PICALM: variants seen among roughly 807,000 people sequenced by gnomAD.
PICALM encodes phosphatidylinositol-binding clathrin assembly protein.
In PICALM, 40 loss-of-function variants were observed where a neutral mutation model predicts 80.5. That is an observed-to-expected ratio of 0.50 (90% CI 0.39 to 0.65). PICALM has a LOEUF of 0.65. Among genes scored for constraint, PICALM ranks in the 30% least tolerant of loss-of-function variants. The pLI, the probability that PICALM is intolerant of heterozygous loss-of-function variation, is 0.00. For synonymous variants in PICALM, 288 were observed against 260.3 expected (o/e 1.11, Z -1.02); for missense variants, 676 against 778.9 (o/e 0.87, Z 1.57).
chr11:86,017,791 C>T (rs1216460177), intron 4 of PICALM, among the ~76,000 whole-genome samples: 2 of 152,014 alleles, frequency 1.3e-5, no homozygotes, highest in Non-Finnish European at 2.9e-5. Context: ...CTGATAGATA[C>T]GTAATAAAAT....
At chr11:86,003,227 G>A (rs577688947) in intron 9 of PICALM, 139 bp downstream of exon 9, 671 of 507,950 alleles carry the variant, frequency 1.3e-3, no homozygotes, top group Non-Finnish European at 2.0e-3. Context: ...ATTCTATGAG[G>A]CTGATATTAT....
chr11:86,037,416 C>T (rs2095862562), intron 1 of PICALM, among the ~76,000 whole-genome samples: 2 of 151,694 alleles, frequency 1.3e-5, no homozygotes, highest in Admixed American at 6.6e-5. Context: ...CCTGCTACCA[C>T]GCCCGGCTAA....
intron 12 of PICALM, among the ~76,000 whole-genome samples, chr11:85,995,057 TA>T (rs1183510417): frequency 6.6e-6 from 1 of 152,216 alleles, no homozygotes; most frequent in Non-Finnish European, 1.5e-5. Flanking sequence ...AGTCTAACTT[TA>T]ATTTTAAAAA....
At chr11:86,040,018 A>AAG (rs1555124831) in intron 1 of PICALM, among the ~76,000 whole-genome samples, 43 of 142,884 alleles carry the variant, frequency 3.0e-4, no homozygotes, top group African/African-American at 6.8e-4. Context: ...AAAAAAAAAA[A>AAG]AAAAAAAAAG....
rs746886990 is a variant in PICALM, at chr11:86,022,488, A to AAAAAC, written c.350-24_350-20dup. 1 of 1,316,808 alleles carries AAAAAC rather than the reference A, an allele frequency of 7.6e-7. No individual in the cohort carries two copies. The highest frequency in any genetic ancestry group is 1.4e-5 in the South Asian group (1 of 70,018). 81.6% of individuals were successfully genotyped at this position (1,316,808 alleles called of 1,614,324 possible). ...TCATATCCTGTAAAAAAACAAAAAC[A>AAAAAC]AAAACAAAACAAAGAGAGAGACAAG... On this transcript the variant is annotated intron_variant, in intron 3 of 19. Coordinates refer to ENST00000393346, the MANE Select transcript of PICALM (RefSeq NM_007166.4).
chr11:85,958,956 A>C lies in PICALM; in HGVS notation c.*90T>G, dbSNP rs748905080. 1 of 903,082 alleles carries C rather than the reference A, an allele frequency of 1.1e-6. No homozygotes were observed. The highest frequency in any genetic ancestry group is 1.7e-5 in the African/African-American group (1 of 60,256). The allele number at this position is 903,082 out of a possible 1,614,324, so 55.9% of individuals were successfully genotyped here. On this transcript the variant is annotated 3_prime_UTR_variant, in exon 20 of 20. Transcript: ENST00000393346. ...TGGAAGAAGAGAGTTTAAGAGATTT[A>C]AGAGACAGCAGTTTGGATTTTGCTG...
rs1179110814 is a variant in PICALM, at chr11:85,981,162, A to C, written c.1746T>G (p.Val582=). The C allele has an allele frequency of 6.2e-7, 1 of 1,607,854 alleles. No individual in the cohort carries two copies. The highest frequency in any genetic ancestry group is 1.1e-5 in the South Asian group (1 of 90,938). The change falls in exon 17 of 20, where the codon GTT becomes GTG. Residue 582 remains valine, a synonymous_variant. Coordinates refer to ENST00000393346, the MANE Select transcript of PICALM (RefSeq NM_007166.4). Reference sequence around the variant, plus strand: ...CAGCATTCCAAGCGGTTGTTGGTGCAACCTTTGGTTGCCAGTTAGATCCCC... The same window carrying C: ...CAGCATTCCAAGCGGTTGTTGGTGCCACCTTTGGTTGCCAGTTAGATCCCC... The part of the protein sequence containing the change: ...LTGGSNWQPK[V]APTTAWNAAT...
intron 8 of PICALM, among the ~76,000 whole-genome samples, chr11:86,005,863 T>C (rs1216182350): frequency 2.0e-5 from 3 of 152,174 alleles, no homozygotes; most frequent in East Asian, 1.9e-4. Context: ...CTTTGTTTTG[T>C]TCACTTTTGA....
chr11:86,007,509 G>C (rs199906344), intron 8 of PICALM, 33 bp downstream of exon 8: 27 of 1,252,738 alleles, frequency 2.2e-5, no homozygotes, highest in Non-Finnish European at 2.8e-5. Flanking sequence ...GTACACAACA[G>C]ATAGTGGATT....
Position 85,958,976 on chromosome 11 carries a change from T to C in PICALM, c.*70A>G, listed in dbSNP as rs368786172. ...GATTTAAGAGACAGCAGTTTGGATTTTGCTGGAAGTAAGGATTTTGCTGCT... is the reference window on the plus strand; with the variant it reads ...GATTTAAGAGACAGCAGTTTGGATTCTGCTGGAAGTAAGGATTTTGCTGCT... On this transcript the variant is annotated 3_prime_UTR_variant, in exon 20 of 20. Coordinates refer to ENST00000393346, the MANE Select transcript of PICALM (RefSeq NM_007166.4). 1.5e-5 allele frequency: 18 copies of C among 1,175,146 alleles called. No individual in the cohort carries two copies. The African/African-American group carries it at 2.3e-4, about 15-fold the overall frequency. The allele number at this position is 1,175,146 out of a possible 1,614,324, so 72.8% of individuals were successfully genotyped here. A position where few individuals can be genotyped will look rare whatever the true frequency, so the allele number is the denominator to read the frequency against.
chr11:86,049,620 T>G (rs1276171177), intron 1 of PICALM, among the ~76,000 whole-genome samples: 1 of 151,406 alleles, frequency 6.6e-6, no homozygotes, highest in African/African-American at 2.4e-5. Flanking sequence ...TGGCGCAATC[T>G]CGGGGTTTCA....
intron 11 of PICALM, among the ~76,000 whole-genome samples, chr11:85,997,974 G>A (rs956047598): frequency 1.3e-5 from 2 of 151,880 alleles, no homozygotes; most frequent in Non-Finnish European, 2.9e-5. Context: ...TAGAGACAGG[G>A]TTTCACCACA....
intron 4 of PICALM, among the ~76,000 whole-genome samples, chr11:86,019,349 C>A (rs1330443436): frequency 6.6e-6 from 1 of 152,018 alleles, no homozygotes; most frequent in Admixed American, 6.6e-5. Flanking sequence ...TCTTGGTCCC[C>A]ACTCAATTAT....
At chr11:85,995,005 T>C (rs2094914895) in intron 12 of PICALM, among the ~76,000 whole-genome samples, 1 of 152,188 alleles carries the variant, frequency 6.6e-6, no homozygotes, top group South Asian at 2.1e-4. Flanking sequence ...CACCTGGCCT[T>C]ATATGAGATT....
chr11:85,958,990 G>C lies in PICALM; in HGVS notation c.*56C>G. 7.0e-7 allele frequency: 1 copy of C among 1,422,386 alleles called. No homozygotes were observed. Among genetic ancestry groups the C allele is most frequent in the Non-Finnish European group, 9.8e-7 (1 of 1,021,058 alleles). The allele number at this position is 1,422,386 out of a possible 1,614,324, so 88.1% of individuals were successfully genotyped here. The stretch of plus-strand genomic sequence containing the variant: ...CAGTTTGGATTTTGCTGGAAGTAAG[G>C]ATTTTGCTGCTTGAGCACTTGTCTT... On this transcript the variant is annotated 3_prime_UTR_variant, in exon 20 of 20. Transcript: ENST00000393346.
At chr11:85,997,713 C>T (rs1215690669) in intron 11 of PICALM, among the ~76,000 whole-genome samples, 1 of 152,208 alleles carries the variant, frequency 6.6e-6, no homozygotes, top group East Asian at 1.9e-4. Flanking sequence ...TCAGGTGATA[C>T]GCCTGCCTCG....
At chr11:86,008,202 T>C (rs1309637068) in intron 7 of PICALM, among the ~76,000 whole-genome samples, 2 of 152,134 alleles carry the variant, frequency 1.3e-5, no homozygotes, top group Admixed American at 1.3e-4. Flanking sequence ...ATAGAAACGG[T>C]TCCTGTGTAT....
chr11:85,972,344 T>C (rs946082411), intron 19 of PICALM, among the ~76,000 whole-genome samples: 6 of 152,174 alleles, frequency 3.9e-5, no homozygotes, highest in Admixed American at 2.0e-4. Flanking sequence ...AAGGGCTCAG[T>C]ACCACTAGCA....
At chr11:86,000,261 G>T (rs11234506) in intron 11 of PICALM, among the ~76,000 whole-genome samples, 3,927 of 152,230 alleles carry the variant, frequency 0.026, 172 homozygotes, top group African/African-American at 0.09. Flanking sequence ...TATGACAGAC[G>T]TTTAATATCT....
Sources: allele counts gnomAD v4.1 joint callset (sites outside exome capture counted in the v4.1 genomes callset), GRCh38; gene constraint gnomAD v4.1.1; transcripts MANE v1.5; gene names NCBI Gene and HGNC (gene_info 2026-07-23, HGNC 2026-07-21).